The following WRN variants were observed in gnomAD, a reference collection of about 807,000 sequenced individuals.
WRN encodes bifunctional 3'-5' exonuclease/ATP-dependent helicase WRN.
Under a neutral mutation model 180.7 loss-of-function variants are expected in WRN, and 149 were observed. That is an observed-to-expected ratio of 0.82 (90% CI 0.72 to 0.94). The LOEUF is 0.94. Ranked by LOEUF, WRN falls within the 40% of genes least tolerant of loss-of-function variation. The pLI is 0.00. For missense variants in WRN, 1,661 were observed against 1,700.1 expected, an observed-to-expected ratio of 0.98 and a Z score of 0.40; for synonymous variants, 548 against 568.9, an observed-to-expected ratio of 0.96 and a Z score of 0.52.
Position 31,157,430 on chromosome 8 carries a change from G to A in WRN, c.3882G>A (p.Ala1294=), listed in dbSNP as rs781435643. ...CAATTGGCATGCACTTATCCCAAGC[G>A]GTGAAAGCTGGCTGCCCCCTTGATT... ...LMTIGMHLSQ[A]VKAGCPLDLE... is the part of the protein sequence containing the mutation. The change falls in exon 33 of 35, where the codon GCG becomes GCA. Residue 1294 remains alanine (A), a synonymous_variant. Transcript: ENST00000298139. 8 of 1,613,964 alleles carry A rather than the reference G, an allele frequency of 5.0e-6. No homozygotes were observed. Among genetic ancestry groups the A allele is most frequent in the Admixed American group, 1.7e-5 (1 of 59,994 alleles).
chr8:31,159,324 G>GT (rs1336046165), intron 33 of WRN, among the ~76,000 whole-genome samples: 1 of 151,200 alleles, frequency 6.6e-6, no homozygotes, highest in Non-Finnish European at 1.5e-5. Context: ...AAAAAAAAAA[G>GT]TAACAGTAGA....
chr8:31,120,228 G>C lies in WRN; in HGVS notation c.2449-15G>C. 6.2e-7 allele frequency: 1 copy of C among 1,611,884 alleles called. No individual in the cohort carries two copies. ...CTAAATATGTTTGTCAAACTGTGTT[G>C]TGATTTGTTCTCAGTGTGTCATAGC... On this transcript the variant is annotated splice_polypyrimidine_tract_variant and intron_variant, in intron 20 of 34. Transcript: ENST00000298139.
chr8:31,091,083 G>A (rs1056639937), intron 15 of WRN, 141 bp downstream of exon 15: 5 of 735,894 alleles, frequency 6.8e-6, no homozygotes, highest in Admixed American at 6.0e-5. Context: ...GGTAATAAAT[G>A]ACCCTTTAGT....
At chr8:31,113,513 T>C (rs564686417) in intron 19 of WRN, among the ~76,000 whole-genome samples, 1 of 152,196 alleles carries the variant, frequency 6.6e-6, no homozygotes, top group African/African-American at 2.4e-5. Flanking sequence ...GGAAAAGTTC[T>C]TTTGAAGAAG....
At chr8:31,080,066 A>T (rs1813240003) in intron 8 of WRN, among the ~76,000 whole-genome samples, 1 of 152,264 alleles carries the variant, frequency 6.6e-6, no homozygotes, top group East Asian at 1.9e-4. Flanking sequence ...TTTTTAGTAG[A>T]GACAGGGTTT....
intron 34 of WRN, among the ~76,000 whole-genome samples, chr8:31,169,022 A>G (rs1219256464): frequency 6.6e-6 from 1 of 151,988 alleles, no homozygotes; most frequent in Admixed American, 6.6e-5. Flanking sequence ...TTCTTAAATG[A>G]TAGTTTTTTT....
In WRN at chr8:31,174,997, C is replaced by T. The variant is rs746621730; in HGVS notation, c.*1895C>T. ...TACAGGTGTGAGCCACCATGCACAG[C>T]CTTACATAAAGCCTTTTCTAATGAG... is the stretch of plus-strand genomic sequence containing the variant. On this transcript the variant is annotated 3_prime_UTR_variant, in exon 35 of 35. Coordinates refer to ENST00000298139, the MANE Select transcript of WRN (RefSeq NM_000553.6). 2.5e-4 allele frequency among the ~76,000 whole-genome samples: 38 copies of T among 151,872 alleles called. No homozygotes were observed. Among genetic ancestry groups the T allele is most frequent in the Non-Finnish European group, 4.1e-4 (28 of 67,978 alleles).
intron 23 of WRN, among the ~76,000 whole-genome samples, chr8:31,129,560 C>A (rs1802062268): frequency 6.6e-6 from 1 of 152,050 alleles, no homozygotes; most frequent in Admixed American, 6.5e-5. Context: ...ACAAAATCCT[C>A]ATGCATTTGG....
At chr8:31,141,985 T>C (rs1802656543) in intron 26 of WRN, among the ~76,000 whole-genome samples, 1 of 152,022 alleles carries the variant, frequency 6.6e-6, no homozygotes, top group South Asian at 2.1e-4. Flanking sequence ...AGTCTCTCTG[T>C]GTTGCTCAAG....
At chr8:31,041,366 A>G (rs1370042530) in intron 1 of WRN, among the ~76,000 whole-genome samples, 2 of 152,190 alleles carry the variant, frequency 1.3e-5, no homozygotes. Context: ...CAGGCCTTCA[A>G]CAAATTGAAG....
chr8:31,141,314 G>T (rs1196797305), intron 24 of WRN, 116 bp from the exon 25 acceptor site: 6 of 1,342,654 alleles, frequency 4.5e-6, no homozygotes, highest in Non-Finnish European at 6.2e-6. Context: ...ATTTTTGTAG[G>T]TTTTTAAAGT....
chr8:31,044,385 C>A (rs1323350997), intron 1 of WRN, among the ~76,000 whole-genome samples: 1 of 108,126 alleles, frequency 9.2e-6, no homozygotes, highest in African/African-American at 3.5e-5. Flanking sequence ...GAGATAGAGT[C>A]TCACTCTGTT....
At chr8:31,138,500 A>G (rs1473999930) in intron 24 of WRN, among the ~76,000 whole-genome samples, 1 of 152,124 alleles carries the variant, frequency 6.6e-6, no homozygotes, top group East Asian at 1.9e-4. Context: ...AATACAGTTC[A>G]GTTGTATTAA....
intron 30 of WRN, among the ~76,000 whole-genome samples, chr8:31,147,689 A>G (rs1389774494): frequency 1.3e-5 from 2 of 152,120 alleles, no homozygotes; most frequent in African/African-American, 4.8e-5. Flanking sequence ...ATCATATTCA[A>G]TATTTATAAA....
At chr8:31,098,998 C>T (rs1408048943) in intron 17 of WRN, among the ~76,000 whole-genome samples, 1 of 150,818 alleles carries the variant, frequency 6.6e-6, no homozygotes, top group Non-Finnish European at 1.5e-5. Context: ...CTGGGCAACA[C>T]AGTGAGACCC....
At chr8:31,118,099 G>T (rs1801585820) in intron 20 of WRN, among the ~76,000 whole-genome samples, 1 of 152,068 alleles carries the variant, frequency 6.6e-6, no homozygotes, top group African/African-American at 2.4e-5. Context: ...CTTTATTCAT[G>T]TTACGTTGTG....
chr8:31,118,775 A>G (rs1801612134), intron 20 of WRN, among the ~76,000 whole-genome samples: 1 of 152,004 alleles, frequency 6.6e-6, no homozygotes, highest in Admixed American at 6.6e-5. Flanking sequence ...AGGCATTTTT[A>G]GTCTTGAACA....
intron 30 of WRN, among the ~76,000 whole-genome samples, chr8:31,149,588 CCT>C (rs1803030502): frequency 6.8e-6 from 1 of 147,742 alleles, no homozygotes; most frequent in Admixed American, 6.8e-5. Flanking sequence ...AATTCTCCTG[CCT>C]CAGCCTCCGG....
chr8:31,101,101 A>T, intron 18 of WRN, 146 bp downstream of exon 18: 1 of 727,612 alleles, frequency 1.4e-6, no homozygotes, highest in Non-Finnish European at 2.4e-6. Context: ...TAAAAATGCT[A>T]AAGTTGGTAT....
Sources: allele counts gnomAD v4.1 joint callset (sites outside exome capture counted in the v4.1 genomes callset), GRCh38; gene constraint gnomAD v4.1.1; transcripts MANE v1.5; gene names NCBI Gene and HGNC (gene_info 2026-07-23, HGNC 2026-07-21).